The following HMGB1 variants were observed in gnomAD, a reference collection of about 807,000 sequenced individuals.
The protein encoded by HMGB1 is high mobility group protein B1.
For missense variants in HMGB1, 79 were observed against 253.5 expected (o/e 0.31, Z 4.67); for synonymous variants, 81 against 84.0 (o/e 0.96, Z 0.19).
intron 1 of HMGB1, among the ~76,000 whole-genome samples, chr13:30,501,913 C>A (rs1449590977): frequency 6.6e-6 from 1 of 152,092 alleles, no homozygotes; most frequent in Non-Finnish European, 1.5e-5. Flanking sequence ...ACCTCATTTT[C>A]TCATATTAGA....
chr13:30,477,679 G>A (rs897067415), intron 1 of HMGB1, among the ~76,000 whole-genome samples: 1 of 152,232 alleles, frequency 6.6e-6, no homozygotes, highest in African/African-American at 2.4e-5. Flanking sequence ...TGAAGCCTGG[G>A]AGAGAAATCC....
At chr13:30,538,615 T>C (rs9506331) in intron 1 of HMGB1, among the ~76,000 whole-genome samples, 1 of 123,110 alleles carries the variant, frequency 8.1e-6, no homozygotes, top group African/African-American at 4.7e-5. Flanking sequence ...TTCTTTCTCT[T>C]TCTCTCTCTC....
In HMGB1 at chr13:30,461,455, T is replaced by C; in HGVS notation, c.550A>G (p.Lys184Glu). 6.4e-7 allele frequency: 1 copy of C among 1,564,846 alleles called. No homozygotes were observed. Residue 184 changes from lysine to glutamate, a missense_variant, in exon 5 of 5, where the codon AAG becomes GAG. Coordinates refer to ENST00000341423, the MANE Select transcript of HMGB1 (RefSeq NM_002128.7). ...GVVKAEKSKK[K>E]KEEEEDEEDE... ...TCCTCATCTTCCTCCTCTTCCTTCT[T>C]TTTCTTGCTTTTTTCAGCCTTGACA...
intron 1 of HMGB1, among the ~76,000 whole-genome samples, chr13:30,552,262 A>G (rs1869462210): frequency 6.6e-6 from 1 of 152,206 alleles, no homozygotes; most frequent in Non-Finnish European, 1.5e-5. Context: ...ACTTTGCTGA[A>G]TCATTTGAGA....
At chr13:30,604,576 C>CT (rs1950436077) in intron 1 of HMGB1, among the ~76,000 whole-genome samples, 1 of 152,210 alleles carries the variant, frequency 6.6e-6, no homozygotes, top group Admixed American at 6.5e-5. Flanking sequence ...CTGAGAAACT[C>CT]TGTTATAATC....
intron 1 of HMGB1, among the ~76,000 whole-genome samples, chr13:30,485,871 C>T (rs1887353121): frequency 1.3e-5 from 2 of 152,162 alleles, no homozygotes; most frequent in South Asian, 4.1e-4. Flanking sequence ...AATTTTAGAA[C>T]ACAGTTATAA....
At chr13:30,570,784 A>G (rs908371682) in intron 1 of HMGB1, among the ~76,000 whole-genome samples, 1 of 152,184 alleles carries the variant, frequency 6.6e-6, no homozygotes, top group Non-Finnish European at 1.5e-5. Context: ...CCCTGTGTTA[A>G]GCACTCTACC....
chr13:30,468,549 C>A (rs1311134450), upstream of HMGB1, among the ~76,000 whole-genome samples: 1 of 152,098 alleles, frequency 6.6e-6, no homozygotes. Flanking sequence ...CCACTGCACC[C>A]GGCCTTGTTT....
intron 1 of HMGB1, among the ~76,000 whole-genome samples, chr13:30,548,084 G>A (rs1480218098): frequency 2.0e-5 from 3 of 152,134 alleles, no homozygotes; most frequent in Non-Finnish European, 2.9e-5. Flanking sequence ...ATGATCATAA[G>A]CACCTGATAG....
At chr13:30,537,700 A>C (rs117281533) in intron 1 of HMGB1, among the ~76,000 whole-genome samples, 10 of 107,444 alleles carry the variant, frequency 9.3e-5, no homozygotes, top group African/African-American at 3.1e-4. Context: ...TATATATAAA[A>C]TTGATGTATC....
rs534635407 is a variant in HMGB1 at position 30,593,044 on chromosome 13, C to G, written c.-15+23627G>C. On this transcript the variant is annotated intron_variant, in intron 1 of 4. Coordinates refer to the HMGB1 transcript ENST00000405805. ...GTACCTAAGGCTTATCTCCCACTTA[C>G]AAGTGAGAAACTATTCAGTATGGCT... Among the ~76,000 whole-genome samples the G allele has an allele frequency of 2.6e-5, 4 of 152,280 alleles. No individual in the cohort carries two copies. In the East Asian group the frequency reaches 7.7e-4, roughly 29 times the overall value.
At chr13:30,522,533 G>T (rs1000082540) in intron 1 of HMGB1, among the ~76,000 whole-genome samples, 1 of 152,118 alleles carries the variant, frequency 6.6e-6, no homozygotes, top group Admixed American at 6.5e-5. Flanking sequence ...AACTGGGGAG[G>T]GGGAGGACTG....
chr13:30,602,409 TA>T (rs1950412485), intron 1 of HMGB1, among the ~76,000 whole-genome samples: 2 of 152,242 alleles, frequency 1.3e-5, no homozygotes, highest in Admixed American at 6.5e-5. Context: ...CGATGTTTTT[TA>T]AACCACAAAG....
chr13:30,573,542 A>G (rs1870519570), intron 1 of HMGB1, among the ~76,000 whole-genome samples: 1 of 152,240 alleles, frequency 6.6e-6, no homozygotes, highest in African/African-American at 2.4e-5. Context: ...TTACATACAA[A>G]CCATATAATT....
chr13:30,523,333 A>G (rs535407560), intron 1 of HMGB1, among the ~76,000 whole-genome samples: 13 of 152,356 alleles, frequency 8.5e-5, no homozygotes, highest in Non-Finnish European at 1.5e-4. Context: ...GTGCTACAGC[A>G]CCACTCCTTC....
At chr13:30,470,202 A>T (rs551792322), upstream of HMGB1, among the ~76,000 whole-genome samples, 69 of 152,272 alleles carry the variant, frequency 4.5e-4, no homozygotes, top group African/African-American at 1.6e-3. Flanking sequence ...CCTATCTTTG[A>T]ATCCCAAGCA....
chr13:30,615,486 G>A (rs1029839130), intron 1 of HMGB1, among the ~76,000 whole-genome samples: 4 of 152,176 alleles, frequency 2.6e-5, no homozygotes, highest in Non-Finnish European at 5.9e-5. Flanking sequence ...ATGGGATAAA[G>A]ACTATATACA....
intron 1 of HMGB1, among the ~76,000 whole-genome samples, chr13:30,471,262 G>A (rs531332678): frequency 2.6e-5 from 4 of 152,244 alleles, no homozygotes; most frequent in East Asian, 3.9e-4. Flanking sequence ...GAGCCAGCGC[G>A]CCTGGCCTAT....
chr13:30,613,680 AAAC>A (rs1477238939), intron 1 of HMGB1, among the ~76,000 whole-genome samples: 2 of 152,214 alleles, frequency 1.3e-5, no homozygotes, highest in East Asian at 3.8e-4. Flanking sequence ...TCACATGAAA[AAAC>A]AGCCATTCAG....
Sources: allele counts gnomAD v4.1 joint callset (sites outside exome capture counted in the v4.1 genomes callset), GRCh38; gene constraint gnomAD v4.1.1; transcripts MANE v1.5; gene names NCBI Gene and HGNC (gene_info 2026-07-23, HGNC 2026-07-21).